The following PTPRF variants were observed in gnomAD, a reference collection of about 807,000 sequenced individuals.
The protein encoded by PTPRF is receptor-type tyrosine-protein phosphatase F.
A neutral mutation model predicts 201.8 loss-of-function variants in PTPRF; 59 were observed. The ratio of observed to expected loss-of-function variants is 0.29; its 90% CI spans 0.24 to 0.36. The LOEUF is 0.36. Among genes scored for constraint, PTPRF ranks in the 10% least tolerant of loss-of-function variants. PTPRF has a pLI of 1.00. For missense variants in PTPRF, 2,132 were observed against 2,690.5 expected, an observed-to-expected ratio of 0.79 and a Z score of 4.59; for synonymous variants, 1,088 against 1,089.7, an observed-to-expected ratio of 1.00 and a Z score of 0.03.
intron 7 of PTPRF, among the ~76,000 whole-genome samples, chr1:43,582,231 A>C (rs1185922648): frequency 2.6e-5 from 4 of 152,250 alleles, no homozygotes; most frequent in Non-Finnish European, 5.9e-5. Flanking sequence ...ATTGCCAGGC[A>C]CACAGGAAGC....
chr1:43,603,304 CT>C lies in PTPRF; in HGVS notation c.2341-111del. On this transcript the variant is annotated intron_variant, in intron 14 of 33. Coordinates refer to ENST00000359947, the MANE Select transcript of PTPRF (RefSeq NM_002840.5). This position sits in a 1 kb window ranked among gnomAD's most constrained non-coding sequence, Gnocchi z 5.8. ...TGTATAGCCCCACCTTCCACAACCC[CT>C]GGCCTTGTGTGCCCCGGGGCTCCCC... 2 of 927,514 alleles carry C rather than the reference CT, an allele frequency of 2.2e-6. No homozygotes were observed. Among genetic ancestry groups the C allele is most frequent in the Non-Finnish European group, 3.5e-6 (2 of 576,106 alleles). 57.5% of individuals were successfully genotyped at this position (927,514 alleles called of 1,614,324 possible). A position where few individuals can be genotyped will look rare whatever the true frequency, so the allele number is the denominator to read the frequency against.
chr1:43,603,323 G>C lies in PTPRF; in HGVS notation c.2341-93G>C. On this transcript the variant is annotated intron_variant, in intron 14 of 33. Coordinates refer to ENST00000359947, the MANE Select transcript of PTPRF (RefSeq NM_002840.5). This position sits in a 1 kb window ranked among gnomAD's most constrained non-coding sequence, Gnocchi z 5.8. Reference sequence around the variant, plus strand: ...CAACCCCTGGCCTTGTGTGCCCCGGGGCTCCCCTCAGGCTAGGGTCCTGAG... The same window carrying C: ...CAACCCCTGGCCTTGTGTGCCCCGGCGCTCCCCTCAGGCTAGGGTCCTGAG... The C allele has an allele frequency of 8.8e-7, 1 of 1,134,482 alleles. No individual in the cohort carries two copies. The highest frequency in any genetic ancestry group is 2.4e-5 in the East Asian group (1 of 42,146). 70.3% of individuals were successfully genotyped at this position (1,134,482 alleles called of 1,614,324 possible). A position where few individuals can be genotyped will look rare whatever the true frequency, so the allele number is the denominator to read the frequency against.
At chr1:43,569,204 G>T (rs1399076640) in intron 5 of PTPRF, among the ~76,000 whole-genome samples, 1 of 151,380 alleles carries the variant, frequency 6.6e-6, no homozygotes, top group African/African-American at 2.4e-5. Flanking sequence ...TGGATGCTGC[G>T]CGAGCTCCCT....
intron 5 of PTPRF, among the ~76,000 whole-genome samples, chr1:43,557,958 C>T (rs1313296298): frequency 6.6e-6 from 1 of 152,184 alleles, no homozygotes; most frequent in Admixed American, 6.5e-5. Context: ...AGAGGGTGAA[C>T]ACCCGCCCCC....
At chr1:43,606,997 C>CGG (rs756245943) in intron 21 of PTPRF, 29 bp downstream of exon 21, 2 of 1,608,758 alleles carry the variant, frequency 1.2e-6, no homozygotes, top group African/African-American at 2.7e-5. Flanking sequence ...GCTCCGGGAA[C>CGG]GGCCACCTGC....
At chr1:43,560,845 C>T (rs1484520862) in intron 5 of PTPRF, among the ~76,000 whole-genome samples, 1 of 152,190 alleles carries the variant, frequency 6.6e-6, no homozygotes, top group Non-Finnish European at 1.5e-5. Flanking sequence ...TCCCCTACCC[C>T]ACCAAGCCCA....
chr1:43,545,120 G>A lies in PTPRF; in HGVS notation c.45G>A (p.Val15=). 1 of 1,590,500 alleles carries A rather than the reference G, an allele frequency of 6.3e-7. No individual in the cohort carries two copies. Among genetic ancestry groups the A allele is most frequent in the South Asian group, 1.1e-5 (1 of 87,012 alleles). ...CAGGGAGGACGATGGTGCCCCTTGTGCCTGCACTGGTGATGCTTGGTTTGG... is the reference window on the plus strand; with the variant it reads ...CAGGGAGGACGATGGTGCCCCTTGTACCTGCACTGGTGATGCTTGGTTTGG... ...PAPGRTMVPL[V]PALVMLGLVA... The change falls in exon 3 of 34, where the codon GTG becomes GTA. Residue 15 remains valine (V), a synonymous_variant. Transcript: ENST00000359947.
In PTPRF at chr1:43,614,607, T is replaced by C. The variant is rs374532726; in HGVS notation, c.4071+892T>C. Among the ~76,000 whole-genome samples the C allele has an allele frequency of 5.9e-5, 9 of 152,082 alleles. No homozygotes were observed. The East Asian group carries it at 1.4e-3, about 23-fold the overall frequency. ...CGCTCACGCCTGTAATCCCAGCACT[T>C]TGGGAGGCCGAGGCGGGTGGATCAC... On this transcript the variant is annotated intron_variant, in intron 23 of 33. Coordinates refer to ENST00000359947, the MANE Select transcript of PTPRF (RefSeq NM_002840.5).
At chr1:43,532,253 C>T (rs1643636183) in intron 1 of PTPRF, among the ~76,000 whole-genome samples, 1 of 152,178 alleles carries the variant, frequency 6.6e-6, no homozygotes, top group Non-Finnish European at 1.5e-5. Flanking sequence ...TAGACTTTCT[C>T]CCCATTTCAA....
intron 13 of PTPRF, among the ~76,000 whole-genome samples, chr1:43,599,276 A>G (rs1011911780): frequency 2.6e-5 from 4 of 152,234 alleles, no homozygotes; most frequent in Non-Finnish European, 5.9e-5. Context: ...GGGTTTCACC[A>G]TATTGGCCAG....
chr1:43,547,514 C>T (rs2153966680), intron 3 of PTPRF, among the ~76,000 whole-genome samples: 1 of 152,350 alleles, frequency 6.6e-6, no homozygotes, highest in South Asian at 2.1e-4. Context: ...TTTTGGATCT[C>T]TCCCTGCACT....
intron 7 of PTPRF, among the ~76,000 whole-genome samples, chr1:43,585,401 A>G (rs1345951348): frequency 6.6e-6 from 1 of 152,068 alleles, no homozygotes; most frequent in Non-Finnish European, 1.5e-5. Flanking sequence ...CTCACATGGA[A>G]AATGTCTCAG....
chr1:43,605,230 C>G lies in PTPRF; in HGVS notation c.3176C>G (p.Ser1059Trp). 6.2e-7 allele frequency: 1 copy of G among 1,606,034 alleles called. No homozygotes were observed. The highest frequency in any genetic ancestry group is 1.1e-5 in the South Asian group (1 of 90,856). The change falls in exon 18 of 34, where the codon TCG (serine) becomes TGG (tryptophan). Residue 1059 changes from serine (S) to tryptophan (W), a missense_variant. By Grantham distance (177) the Ser-to-Trp change is radical (BLOSUM62 -3). Around this residue, in one of 6 missense-constraint regions of PTPRF, gnomAD observed 818 missense variants for 915.3 expected, o/e 0.89. Transcript: ENST00000359947. The part of the protein sequence containing the change: ...NGQSVEVDGH[S>W]MRKLIADLQP... ...CAGAGTGTGGAGGTGGACGGGCACT[C>G]GATGCGGAAGCTGATCGCAGACCTG... is the stretch of plus-strand genomic sequence containing the variant.
At chr1:43,604,276 T>C in intron 16 of PTPRF, 87 bp downstream of exon 16, 5 of 1,376,286 alleles carry the variant, frequency 3.6e-6, no homozygotes, top group Non-Finnish European at 4.9e-6. Flanking sequence ...CTCTGGCGAC[T>C]GTGATCCACC....
At position 43,598,818 on chromosome 1, in the gene PTPRF, C is replaced by G; in HGVS notation, c.2218C>G (p.Gln740Glu). 6.2e-7 allele frequency: 1 copy of G among 1,614,214 alleles called. No homozygotes were observed. The highest frequency in any genetic ancestry group is 8.5e-7 in the Non-Finnish European group (1 of 1,180,022). The stretch of plus-strand genomic sequence containing the variant: ...GCCTGTCCCCAGCAAGCAGCATGGC[C>G]AGATCCGCGGCTACCAGGTCACCTA... Reference protein sequence around the residue: ...KLPVPSKQHGQIRGYQVTYVR... With the variant: ...KLPVPSKQHGEIRGYQVTYVR... Residue 740 changes from glutamine (Q) to glutamate (E), a missense_variant, in exon 13 of 34, where the codon CAG becomes GAG. Gln to Glu is a conservative substitution (Grantham distance 29). Transcript: ENST00000359947.
At chr1:43,545,938 C>T (rs998745505) in intron 3 of PTPRF, among the ~76,000 whole-genome samples, 1 of 152,202 alleles carries the variant, frequency 6.6e-6, no homozygotes, top group African/African-American at 2.4e-5. Flanking sequence ...ATGGTTACCA[C>T]TCCTTGGTTA....
intron 3 of PTPRF, among the ~76,000 whole-genome samples, chr1:43,552,553 G>A (rs76444055): frequency 0.017 from 2,661 of 152,306 alleles, 63 homozygotes; most frequent in African/African-American, 0.061. Flanking sequence ...CCAAACAGGT[G>A]GTCTGAAAGG....
Position 43,556,668 on chromosome 1 carries a change from GT to G in PTPRF, c.379+2729del, listed in dbSNP as rs377536055. Among the ~76,000 whole-genome samples the G allele has an allele frequency of 2.2e-4, 33 of 152,300 alleles. 3 individuals carry two copies. Among genetic ancestry groups the G allele is most frequent in the Admixed American group, 1.4e-3 (21 of 15,294 alleles). ...CCACTCACTTCTCGTGTGTCTTTGG[GT>G]TAGTAACTATGCCTCTGACCCTCAT... On this transcript the variant is annotated intron_variant, in intron 5 of 33. Coordinates refer to ENST00000359947, the MANE Select transcript of PTPRF (RefSeq NM_002840.5).
chr1:43,575,528 C>A (rs1251660607), intron 6 of PTPRF, among the ~76,000 whole-genome samples: 1 of 152,114 alleles, frequency 6.6e-6, no homozygotes, highest in Non-Finnish European at 1.5e-5. Context: ...GGAATCTTAC[C>A]CACCGGTGGG....
Sources: allele counts gnomAD v4.1 joint callset (sites outside exome capture counted in the v4.1 genomes callset), GRCh38; gene constraint gnomAD v4.1.1; regional missense constraint gnomAD v4.1.1; non-coding constraint Gnocchi (gnomAD v3.1); transcripts MANE v1.5; gene names NCBI Gene and HGNC (gene_info 2026-07-23, HGNC 2026-07-21).